Variants in CORIN observed in about 807,000 individuals in gnomAD.
CORIN encodes the protein atrial natriuretic peptide-converting enzyme.
In CORIN, 117 loss-of-function variants were observed where a neutral mutation model predicts 125.3. The ratio of observed to expected loss-of-function variants is 0.93; its 90% confidence interval spans 0.80 to 1.09. The LOEUF (loss-of-function observed/expected upper bound fraction) is 1.09. CORIN is among the 50% of genes least tolerant of loss of function. The pLI is 0.00. For missense variants in CORIN, 1,253 were observed against 1,306.7 expected (o/e 0.96, Z 0.63); for synonymous variants, 450 against 466.4 (o/e 0.96, Z 0.45).
intron 2 of CORIN, among the ~76,000 whole-genome samples, chr4:47,805,148 A>AAAATAATAAT (rs796469224): frequency 7.7e-6 from 1 of 129,166 alleles, no homozygotes; most frequent in African/African-American, 2.9e-5. Flanking sequence ...AAAAAAAAAA[A>AAAATAATAAT]AATAATAATA....
At chr4:47,617,873 C>T (rs1488134477) in intron 19 of CORIN, among the ~76,000 whole-genome samples, 4 of 150,768 alleles carry the variant, frequency 2.7e-5, no homozygotes, top group Non-Finnish European at 4.4e-5. Flanking sequence ...GGTGGGCAAG[C>T]AAGAACAAAG....
At chr4:47,757,631 A>G (rs930196552) in intron 4 of CORIN, among the ~76,000 whole-genome samples, 2 of 151,810 alleles carry the variant, frequency 1.3e-5, no homozygotes, top group African/African-American at 4.8e-5. Flanking sequence ...ATAAAAAATA[A>G]AATAAGGCCC....
chr4:47,805,696 A>G (rs1731763073), intron 2 of CORIN, among the ~76,000 whole-genome samples: 1 of 152,086 alleles, frequency 6.6e-6, no homozygotes, highest in Non-Finnish European at 1.5e-5. Context: ...GATCAATGTT[A>G]TTTTCAAATA....
chr4:47,805,612 T>C (rs546391717), intron 2 of CORIN, among the ~76,000 whole-genome samples: 1 of 152,298 alleles, frequency 6.6e-6, no homozygotes, highest in African/African-American at 2.4e-5. Context: ...ATAATCAGAG[T>C]TCTCCTTTCT....
chr4:47,730,472 C>CAAAAAA (rs71199996), intron 5 of CORIN, among the ~76,000 whole-genome samples: 1 of 66,016 alleles, frequency 1.5e-5, no homozygotes, highest in Non-Finnish European at 3.2e-5. Context: ...GACTCCATCT[C>CAAAAAA]AAAAAAAAAA....
intron 3 of CORIN, among the ~76,000 whole-genome samples, chr4:47,771,740 C>T (rs898931593): frequency 6.6e-6 from 1 of 152,134 alleles, no homozygotes. Flanking sequence ...CAAACCTAAA[C>T]ACAGTAACTA....
rs950622256 is a variant in CORIN at position 47,750,125 on chromosome 4, T to C, written c.618-5542A>G. On this transcript the variant is annotated intron_variant, in intron 4 of 21. Transcript: ENST00000273857. The stretch of plus-strand genomic sequence containing the variant: ...AACCCAAATAACAATAGATGGCTTG[T>C]TCTCCCTATGATAAGCGAACAGCAT... 3.3e-5 allele frequency among the ~76,000 whole-genome samples: 5 copies of C among 152,158 alleles called. No individual in the cohort carries two copies. In the East Asian group the frequency reaches 9.6e-4, roughly 29 times the overall value.
At chr4:47,632,753 A>AGATAGATAGAT (rs1553905936) in intron 16 of CORIN, among the ~76,000 whole-genome samples, 1,846 of 118,808 alleles carry the variant, frequency 0.016, 59 homozygotes, top group African/African-American at 0.057. Context: ...ATAGATAGAT[A>AGATAGATAGAT]GATAGATAGA....
At chr4:47,787,042 G>T in intron 2 of CORIN, 117 bp from the exon 3 acceptor site, 1 of 738,198 alleles carries the variant, frequency 1.4e-6, no homozygotes, top group South Asian at 1.9e-5. Flanking sequence ...TTCTAACCAG[G>T]TAAACACAAA....
chr4:47,610,660 T>G (rs10002415), intron 19 of CORIN, among the ~76,000 whole-genome samples: 40,911 of 152,088 alleles, frequency 0.27, 5,647 homozygotes, highest in Admixed American at 0.35. Context: ...TCATGTAATC[T>G]TTCCCTGTGC....
chr4:47,681,045 C>A (rs1057403775), intron 7 of CORIN: 6 of 152,202 alleles, frequency 3.9e-5, no homozygotes, highest in African/African-American at 1.4e-4. Flanking sequence ...GATAAGTTCG[C>A]TCTCACAAAG....
At chr4:47,775,614 T>G (rs777252736) in intron 3 of CORIN, among the ~76,000 whole-genome samples, 38 of 152,156 alleles carry the variant, frequency 2.5e-4, no homozygotes, top group Non-Finnish European at 4.3e-4. Flanking sequence ...ATGACTGGCA[T>G]GCTTTAAACA....
At chr4:47,637,863 C>A (rs534452803) in intron 16 of CORIN, among the ~76,000 whole-genome samples, 1 of 152,284 alleles carries the variant, frequency 6.6e-6, no homozygotes, top group East Asian at 1.9e-4. Flanking sequence ...AAGAGGGCCA[C>A]CATCCTCAAG....
intron 9 of CORIN, among the ~76,000 whole-genome samples, chr4:47,676,283 C>G (rs1210742423): frequency 1.3e-5 from 2 of 152,150 alleles, no homozygotes; most frequent in East Asian, 3.8e-4. Context: ...TCTCATGGTC[C>G]TCCTACACAT....
chr4:47,796,557 C>A (rs151006596), intron 2 of CORIN, among the ~76,000 whole-genome samples: 1 of 151,950 alleles, frequency 6.6e-6, no homozygotes, highest in East Asian at 1.9e-4. Flanking sequence ...GTTAAAAGGG[C>A]AGATCTTATG....
intron 5 of CORIN, among the ~76,000 whole-genome samples, chr4:47,728,574 C>G (rs1415728083): frequency 6.6e-6 from 1 of 152,132 alleles, no homozygotes; most frequent in African/African-American, 2.4e-5. Flanking sequence ...GTAATCAGAA[C>G]TGATTATTGA....
chr4:47,662,478 G>T (rs139402892), intron 11 of CORIN, among the ~76,000 whole-genome samples: 1,679 of 152,138 alleles, frequency 0.011, 25 homozygotes, highest in African/African-American at 0.038. Flanking sequence ...AGGTGCTTTC[G>T]TGCGTATTAT....
At chr4:47,772,812 C>G (rs1331958221) in intron 3 of CORIN, among the ~76,000 whole-genome samples, 1 of 152,128 alleles carries the variant, frequency 6.6e-6, no homozygotes, top group Non-Finnish European at 1.5e-5. Flanking sequence ...CACAAAAACT[C>G]TGTGAACTAG....
intron 1 of CORIN, among the ~76,000 whole-genome samples, chr4:47,827,037 T>A (rs1203399693): frequency 6.6e-6 from 1 of 152,224 alleles, no homozygotes; most frequent in Non-Finnish European, 1.5e-5. Flanking sequence ...TAAATTCATC[T>A]GTTTCTTTTT....
Sources: allele counts gnomAD v4.1 joint callset (sites outside exome capture counted in the v4.1 genomes callset), GRCh38; gene constraint gnomAD v4.1.1; transcripts MANE v1.5; gene names NCBI Gene and HGNC (gene_info 2026-07-23, HGNC 2026-07-21).